RMND5B: variants seen among roughly 807,000 people sequenced by gnomAD.
RMND5B encodes required for meiotic nuclear division 5 homolog B.
A neutral mutation model predicts 50.4 loss-of-function variants in RMND5B; 42 were observed. The observed-to-expected ratio is 0.83, with a 90% confidence interval of 0.65 to 1.08. The LOEUF is 1.08. RMND5B is among the 50% of genes least tolerant of loss of function. The probability of loss-of-function intolerance (pLI) is 0.00; values close to 1 mark genes in which losing one functional copy is unlikely to be tolerated. For missense variants in RMND5B, 463 were observed against 508.5 expected (o/e 0.91, Z 0.86); for synonymous variants, 220 against 210.0 (o/e 1.05, Z -0.41).
At chr5:178,145,997 G>A in intron 7 of RMND5B, 117 bp from the exon 8 acceptor site, 1 of 1,054,536 alleles carries the variant, frequency 9.5e-7, no homozygotes, top group Non-Finnish European at 1.3e-6. Context: ...GTCTCCTCAG[G>A]GGCTTGGGAG....
At position 178,131,587 on chromosome 5, in the gene RMND5B, A is replaced by AT. The variant is rs1233510628; in HGVS notation, c.-13+211_-13+212insT. The stretch of plus-strand genomic sequence containing the variant: ...GGACTGTATAGTAAAAAAAAAAAAA[A>AT]AATGGAGGAGGGCGATATGACACGG... On this transcript the variant is annotated intron_variant, in intron 2 of 10. Coordinates refer to ENST00000313386, the MANE Select transcript of RMND5B (RefSeq NM_022762.5). Among the ~76,000 whole-genome samples the AT allele has an allele frequency of 2.0e-5, 3 of 150,996 alleles. No homozygotes were observed. The East Asian group carries it at 5.8e-4, about 29-fold the overall frequency.
In RMND5B at chr5:178,147,860, C is replaced by T. The variant is rs201505174; in HGVS notation, c.1095C>T (p.Leu365=). 1.9e-6 allele frequency: 3 copies of T among 1,614,130 alleles called. No individual in the cohort carries two copies. The highest frequency in any genetic ancestry group is 2.5e-6 in the Non-Finnish European group (3 of 1,180,038). Residue 365 remains leucine (L), a synonymous_variant, in exon 10 of 11, where the codon CTC becomes CTT. Transcript: ENST00000313386. ...ICGHVISRDA[L]NKLINGGKLK... ...GCCATGTTATCTCCCGAGATGCACT[C>T]AATAAGCTCATTAATGGAGGAAAGT...
intron 7 of RMND5B, among the ~76,000 whole-genome samples, chr5:178,145,236 C>T (rs1430472922): frequency 6.6e-6 from 1 of 151,914 alleles, no homozygotes; most frequent in Non-Finnish European, 1.5e-5. Flanking sequence ...CCTGTAATCC[C>T]AGCACTTTGG....
intron 5 of RMND5B, 69 bp from the exon 6 acceptor site, chr5:178,143,558 A>G: frequency 8.2e-7 from 1 of 1,222,202 alleles, no homozygotes; most frequent in Non-Finnish European, 1.2e-6. Context: ...AGCTTTTATT[A>G]TGTGCATAGC....
At chr5:178,145,716 C>T (rs1755966868) in intron 7 of RMND5B, among the ~76,000 whole-genome samples, 1 of 152,176 alleles carries the variant, frequency 6.6e-6, no homozygotes, top group Admixed American at 6.5e-5. Flanking sequence ...CAAAACATGA[C>T]TGAAGTTTTA....
rs1758352487 is a variant in RMND5B at position 178,132,214 on chromosome 5, G to T, written c.-13+838G>T. 2.0e-5 allele frequency among the ~76,000 whole-genome samples: 3 copies of T among 152,176 alleles called. 1 individual carries two copies. The South Asian group carries it at 6.2e-4, about 31-fold the overall frequency. ...CCAGCACTTTGGGAGGCCAAGGCGGGAGGATCACTTGAGGCCAGGAGTTCA... is the reference window on the plus strand; with the variant it reads ...CCAGCACTTTGGGAGGCCAAGGCGGTAGGATCACTTGAGGCCAGGAGTTCA... On this transcript the variant is annotated intron_variant, in intron 2 of 10. Coordinates refer to ENST00000313386, the MANE Select transcript of RMND5B (RefSeq NM_022762.5).
At position 178,149,868 on chromosome 5, in the gene RMND5B, A is replaced by G. The variant is rs770801671; in HGVS notation, c.*1836A>G. On this transcript the variant is annotated 3_prime_UTR_variant, in exon 11 of 11. Transcript: ENST00000313386. ...AGAGGGGAAAGAAGTGCTGTTTGGAAAAAAGCTGTACAACCTGTATGCCAG... is the reference window on the plus strand; with the variant it reads ...AGAGGGGAAAGAAGTGCTGTTTGGAGAAAAGCTGTACAACCTGTATGCCAG... The G allele has an allele frequency of 6.2e-6, 10 of 1,605,366 alleles. No individual in the cohort carries two copies. The Admixed American group carries it at 6.8e-5, about 11-fold the overall frequency.
At chr5:178,140,398 G>C (rs550193557) in intron 3 of RMND5B, among the ~76,000 whole-genome samples, 1 of 151,130 alleles carries the variant, frequency 6.6e-6, no homozygotes, top group South Asian at 2.1e-4. Context: ...AGACGGTGTC[G>C]AACTCCTGGG....
At chr5:178,139,155 C>A (rs1054671443) in intron 3 of RMND5B, among the ~76,000 whole-genome samples, 5 of 151,810 alleles carry the variant, frequency 3.3e-5, no homozygotes, top group African/African-American at 1.2e-4. Context: ...ATAAATAAAT[C>A]AATCCAAGAA....
chr5:178,132,702 C>T (rs1341979878), intron 2 of RMND5B, among the ~76,000 whole-genome samples: 2 of 129,922 alleles, frequency 1.5e-5, no homozygotes, highest in Admixed American at 9.4e-5. Flanking sequence ...CCACAGCACT[C>T]TGGCCTGGGA....
rs766668520 is a variant in RMND5B at position 178,142,845 on chromosome 5, T to C, written c.286-7T>C. 9.3e-6 allele frequency: 15 copies of C among 1,612,930 alleles called. No homozygotes were observed. In the South Asian group the frequency reaches 1.1e-4, roughly 12 times the overall value. ...ATCACCAGGCCCTGTCTCTCCTCCT[T>C]CGTCAGAACTTCGACTCTGAGATCT... On this transcript the variant is annotated splice_region_variant and splice_polypyrimidine_tract_variant and intron_variant, in intron 4 of 10. Transcript: ENST00000313386.
chr5:178,149,398 C>T lies in RMND5B; in HGVS notation c.*1366C>T, dbSNP rs1756200302. On this transcript the variant is annotated 3_prime_UTR_variant, in exon 11 of 11. Transcript: ENST00000313386. Reference sequence around the variant, plus strand: ...CTGAGGAAGACTGCTTCACTCTTCCCGCCCACCAACTCGCTGGCCCAACCA... The same window carrying T: ...CTGAGGAAGACTGCTTCACTCTTCCTGCCCACCAACTCGCTGGCCCAACCA... 5.6e-6 allele frequency: 2 copies of T among 354,558 alleles called. No homozygotes were observed. The highest frequency in any genetic ancestry group is 4.0e-5 in the Admixed American group (1 of 24,786). 22.0% of individuals were successfully genotyped at this position (354,558 alleles called of 1,614,324 possible). A position where few individuals can be genotyped will look rare whatever the true frequency, so the allele number is the denominator to read the frequency against.
At chr5:178,133,561 C>G (rs984902777) in intron 2 of RMND5B, 7 of 152,002 alleles carry the variant, frequency 4.6e-5, no homozygotes, top group Non-Finnish European at 8.8e-5. Flanking sequence ...TGCCCGCCAC[C>G]ACGCCTCGGT....
rs1214587399 is a variant in RMND5B at position 178,150,269 on chromosome 5, AACTG to A, written c.*2241_*2244del. On this transcript the variant is annotated 3_prime_UTR_variant, in exon 11 of 11. Coordinates refer to ENST00000313386, the MANE Select transcript of RMND5B (RefSeq NM_022762.5). ...CTCTTTATTCTCATAGTCCACAGAT[AACTG>A]ACTATTTGGTTCTTACCATCAGGCC... 4.4e-4 allele frequency: 97 copies of A among 219,008 alleles called. No homozygotes were observed. Among genetic ancestry groups the A allele is most frequent in the African/African-American group, 2.0e-3 (88 of 43,020 alleles). 13.6% of individuals were successfully genotyped at this position (219,008 alleles called of 1,614,324 possible).
At chr5:178,131,155 C>G (rs945840649) in intron 1 of RMND5B, 82 bp from the exon 2 acceptor site, 3 of 152,226 alleles carry the variant, frequency 2.0e-5, no homozygotes, top group Non-Finnish European at 2.9e-5. Context: ...GGCCGGCCTC[C>G]CGGGCCCCAG....
chr5:178,144,916 A>AT (rs1185757473), intron 7 of RMND5B, among the ~76,000 whole-genome samples: 1 of 152,176 alleles, frequency 6.6e-6, no homozygotes, highest in African/African-American at 2.4e-5. Flanking sequence ...TCATGCTAGA[A>AT]TTTCCAAACC....
At chr5:178,143,545 G>A in intron 5 of RMND5B, 82 bp from the exon 6 acceptor site, 4 of 1,113,814 alleles carry the variant, frequency 3.6e-6, no homozygotes, top group Non-Finnish European at 5.4e-6. Flanking sequence ...TCTTTGGCGG[G>A]TGAGCTTTTA....
At position 178,146,150 on chromosome 5, in the gene RMND5B, G is replaced by A. The variant is rs144728558; in HGVS notation, c.731G>A (p.Arg244Gln). Residue 244 changes from arginine to glutamine, a missense_variant, in exon 8 of 11, where the codon CGG (arginine) becomes CAG (glutamine). Arg to Gln is a conservative substitution (Grantham distance 43). Coordinates refer to ENST00000313386, the MANE Select transcript of RMND5B (RefSeq NM_022762.5). ...ATGATGGGCAGCCTGGTGTACCTGC[G>A]GCTGGGCTTGGAGAAGTCACCCTAC... ...QVMMGSLVYLRLGLEKSPYCH... is the reference protein window; with the variant it reads ...QVMMGSLVYLQLGLEKSPYCH... The A allele has an allele frequency of 1.7e-5, 27 of 1,614,012 alleles. No homozygotes were observed. Among genetic ancestry groups the A allele is most frequent in the East Asian group, 4.5e-5 (2 of 44,888 alleles).
chr5:178,138,341 G>A lies in RMND5B; in HGVS notation c.139+83G>A, dbSNP rs183281232. On this transcript the variant is annotated intron_variant, in intron 3 of 10. Coordinates refer to ENST00000313386, the MANE Select transcript of RMND5B (RefSeq NM_022762.5). The surrounding 1 kb of genome is among the most constrained non-coding windows in gnomAD (Gnocchi z 5.1). ...CGAAGCTACTGAGTGACAGGGTTCC[G>A]GAAGGACGATGATGAGGATGTTGGT... 2.9e-5 allele frequency: 45 copies of A among 1,534,436 alleles called. No homozygotes were observed. The East Asian group carries it at 3.4e-4, about 12-fold the overall frequency.
Sources: gnomAD v4.1 joint callset for allele counts (sites outside exome capture counted in the v4.1 genomes callset) on GRCh38, gnomAD v4.1.1 for gene constraint, Gnocchi (gnomAD v3.1) non-coding constraint, MANE v1.5 for transcripts, NCBI Gene and HGNC (gene_info 2026-07-23, HGNC 2026-07-21) for gene names.